The following HIGD2B variants were observed in gnomAD, a reference collection of about 807,000 sequenced individuals.
HIGD2B encodes the protein HIG1 domain family member 2B.
For missense variants in HIGD2B, 106 were observed against 67.0 expected (o/e 1.58, Z -2.03); for synonymous variants, 45 against 28.1 (o/e 1.60, Z -1.90).
chr15:72,681,008 T>A (rs1345714810), intron 1 of HIGD2B, among the ~76,000 whole-genome samples: 2 of 152,226 alleles, frequency 1.3e-5, no homozygotes, highest in African/African-American at 4.8e-5. Flanking sequence ...GAGGTGGGGA[T>A]GCCTGTCTGG....
intron 1 of HIGD2B, among the ~76,000 whole-genome samples, chr15:72,684,207 TAGA>T (rs1313750105): frequency 6.6e-6 from 1 of 152,190 alleles, no homozygotes; most frequent in Non-Finnish European, 1.5e-5. Flanking sequence ...GGCCTGAGCT[TAGA>T]AGTTCAGTGG....
chr15:72,685,567 T>C (rs2064811178), intron 1 of HIGD2B, among the ~76,000 whole-genome samples: 1 of 152,230 alleles, frequency 6.6e-6, no homozygotes, highest in South Asian at 2.1e-4. Flanking sequence ...GAAGGGAAGT[T>C]ATCTACAGTC....
intron 1 of HIGD2B, among the ~76,000 whole-genome samples, chr15:72,680,571 G>A (rs2064738694): frequency 6.6e-6 from 1 of 151,984 alleles, no homozygotes; most frequent in South Asian, 2.1e-4. Flanking sequence ...AAAAAAAGGA[G>A]ATACCCTGAT....
intron 1 of HIGD2B, among the ~76,000 whole-genome samples, chr15:72,681,599 A>ATT (rs1266238285): frequency 1.7e-5 from 2 of 117,396 alleles, no homozygotes; most frequent in African/African-American, 6.8e-5. Context: ...TTGAACCAAA[A>ATT]TTTTTTTTTT....
At chr15:72,682,840 T>G (rs999207327) in intron 1 of HIGD2B, 3 of 255,360 alleles carry the variant, frequency 1.2e-5, no homozygotes, top group African/African-American at 6.9e-5. Flanking sequence ...ATTCCCCACT[T>G]AAGTTTCACC....
chr15:72,676,453 G>A (rs2064694064), intron 2 of HIGD2B, 66 bp from the exon 3 acceptor site: 1 of 617,752 alleles, frequency 1.6e-6, no homozygotes, highest in East Asian at 2.7e-5. Context: ...AGCCCAGGCT[G>A]GAGTGCAGTG....
intron 2 of HIGD2B, 25 bp from the exon 3 acceptor site, chr15:72,676,412 T>G (rs1453675858): frequency 7.4e-6 from 5 of 671,584 alleles, no homozygotes; most frequent in South Asian, 3.3e-5. Context: ...CCTTTGTTTT[T>G]TTTTTTTTTT....
chr15:72,683,578 A>G (rs2064772023), intron 1 of HIGD2B, among the ~76,000 whole-genome samples: 1 of 152,008 alleles, frequency 6.6e-6, no homozygotes, highest in African/African-American at 2.4e-5. Context: ...GGGGTGGCTC[A>G]CGCCTGTAAT....
At chr15:72,683,731 C>G (rs2064773600) in intron 1 of HIGD2B, among the ~76,000 whole-genome samples, 3 of 152,042 alleles carry the variant, frequency 2.0e-5, no homozygotes, top group Middle Eastern at 3.4e-3. Context: ...GTCCCAGCTA[C>G]TCAGGAGGCT....
At position 72,676,030 on chromosome 15, in the gene HIGD2B, T is replaced by C; in HGVS notation, c.*24A>G. The C allele has an allele frequency of 1.4e-6, 1 of 715,018 alleles. No homozygotes were observed. Among genetic ancestry groups the C allele is most frequent in the South Asian group, 1.5e-5 (1 of 68,396 alleles). The allele number at this position is 715,018 out of a possible 1,614,324, so 44.3% of individuals were successfully genotyped here. On this transcript the variant is annotated 3_prime_UTR_variant, in exon 3 of 3. Transcript: ENST00000311755. ...TGCTCCTGGGTTTTGGAATGATTTC[T>C]GCAGAGTTTTCAAGACCCTGGGCTC...
rs966403836 is a variant in HIGD2B, at chr15:72,685,980, C to G, written c.-355G>C. 1 of 598,558 alleles carries G rather than the reference C, an allele frequency of 1.7e-6. No individual in the cohort carries two copies. The highest frequency in any genetic ancestry group is 1.9e-5 in the South Asian group (1 of 52,094). 37.1% of individuals were successfully genotyped at this position (598,558 alleles called of 1,614,324 possible). On this transcript the variant is annotated 5_prime_UTR_variant, in exon 1 of 3. Transcript: ENST00000311755. ...CCGGAGGTACAGACCATGTACAGAC[C>G]ACGGCGAGGGGTGTTAGGGGCTTCT...
At chr15:72,682,853 C>T (rs2064763754) in intron 1 of HIGD2B, 1 of 257,548 alleles carries the variant, frequency 3.9e-6, no homozygotes, top group Non-Finnish European at 8.0e-6. Flanking sequence ...GTTTCACCAT[C>T]TACTGGCTTT....
intron 1 of HIGD2B, among the ~76,000 whole-genome samples, chr15:72,683,435 CTCCT>C (rs1388337493): frequency 3.4e-5 from 3 of 88,694 alleles, no homozygotes; most frequent in African/African-American, 7.4e-5. Context: ...GCTTCAATTC[CTCCT>C]TTTTTTTTTT....
chr15:72,681,599 ATTTTT>A (rs1266238285), intron 1 of HIGD2B, among the ~76,000 whole-genome samples: 1 of 117,406 alleles, frequency 8.5e-6, no homozygotes, highest in Admixed American at 8.6e-5. Context: ...TTGAACCAAA[ATTTTT>A]TTTTTTTTTT....
intron 1 of HIGD2B, among the ~76,000 whole-genome samples, chr15:72,684,846 C>A (rs888080151): frequency 1.3e-5 from 2 of 151,922 alleles, no homozygotes; most frequent in Admixed American, 6.6e-5. Flanking sequence ...CACAGAAATG[C>A]GATCTCGGCT....
intron 1 of HIGD2B, chr15:72,682,933 A>C (rs2064764524): frequency 1.1e-5 from 2 of 184,690 alleles, no homozygotes; most frequent in Non-Finnish European, 2.3e-5. Flanking sequence ...GCTGCAGTCT[A>C]TTCGCTATTC....
intron 1 of HIGD2B, among the ~76,000 whole-genome samples, chr15:72,681,337 A>T (rs1163898798): frequency 1.3e-5 from 2 of 152,190 alleles, no homozygotes; most frequent in African/African-American, 4.8e-5. Flanking sequence ...GTAGAGTCAG[A>T]ACTCTCATGG....
At chr15:72,683,828 G>A (rs889532167) in intron 1 of HIGD2B, among the ~76,000 whole-genome samples, 2 of 151,768 alleles carry the variant, frequency 1.3e-5, no homozygotes, top group Middle Eastern at 3.2e-3. Context: ...GCAACAGAGC[G>A]AGATCCTGTC....
At chr15:72,676,746 C>T (rs2064696968) in intron 2 of HIGD2B, among the ~76,000 whole-genome samples, 3 of 152,058 alleles carry the variant, frequency 2.0e-5, no homozygotes, top group South Asian at 2.1e-4. Flanking sequence ...TTTGATATAA[C>T]AACTTGGAAA....
Sources: gnomAD v4.1 joint callset for allele counts (sites outside exome capture counted in the v4.1 genomes callset) on GRCh38, gnomAD v4.1.1 for gene constraint, MANE v1.5 for transcripts, NCBI Gene and HGNC (gene_info 2026-07-23, HGNC 2026-07-21) for gene names.